PLCE1: variants seen among roughly 807,000 people sequenced by gnomAD.
PLCE1 encodes the protein phospholipase C epsilon 1.
A neutral mutation model predicts 242.8 loss-of-function variants in PLCE1; 119 were observed. The ratio of observed to expected loss-of-function variants is 0.49; its 90% CI spans 0.42 to 0.57. The LOEUF (loss-of-function observed/expected upper bound fraction) is 0.57, where lower values mean the gene tolerates loss of function less well. Ranked by LOEUF, PLCE1 falls within the 20% of genes least tolerant of loss-of-function variation. PLCE1 has a pLI of 0.00. For missense variants in PLCE1, 2,441 were observed against 2,788.8 expected (o/e 0.88, Z 2.81); for synonymous variants, 945 against 1,017.4 (o/e 0.93, Z 1.35).
chr10:94,184,249 C>G (rs1320857971), intron 4 of PLCE1, among the ~76,000 whole-genome samples: 3 of 152,180 alleles, frequency 2.0e-5, no homozygotes, highest in Non-Finnish European at 4.4e-5. Flanking sequence ...TTCAACGGCC[C>G]CCCTTTGCGT....
At chr10:94,100,675 G>C (rs894152294) in intron 2 of PLCE1, 9 of 152,188 alleles carry the variant, frequency 5.9e-5, no homozygotes, top group East Asian at 1.9e-4. Context: ...GTCTTCTCTT[G>C]GTTCTTCCCC....
intron 4 of PLCE1, among the ~76,000 whole-genome samples, chr10:94,226,289 T>G (rs1198243459): frequency 6.6e-6 from 1 of 152,218 alleles, no homozygotes; most frequent in East Asian, 1.9e-4. Context: ...TTAGAGTTTG[T>G]GTAAACACAT....
intron 2 of PLCE1, among the ~76,000 whole-genome samples, chr10:94,058,219 T>C (rs1217535079): frequency 6.6e-6 from 1 of 152,218 alleles, no homozygotes; most frequent in African/African-American, 2.4e-5. Context: ...CTTTTTTAAA[T>C]TGTCAAGTGC....
Position 94,258,826 on chromosome 10 carries a change from G to T in PLCE1, c.3581G>T (p.Gly1194Val). 6.2e-7 allele frequency: 1 copy of T among 1,614,074 alleles called. No homozygotes were observed. ...GCTTGGAGCAGTAGTAGCTGGCACG[G>T]GCGGATCAAAGGCGGCATGAAGGGA... Reference protein sequence around the residue: ...SSAWSSSSWHGRIKGGMKGFQ... With the variant: ...SSAWSSSSWHVRIKGGMKGFQ... The change falls in exon 12 of 33, where the codon GGG (glycine) becomes GTG (valine). Residue 1194 changes from glycine to valine, a missense_variant. Transcript: ENST00000371380.
At chr10:94,121,060 C>G (rs1229375163) in intron 2 of PLCE1, 2 of 152,198 alleles carry the variant, frequency 1.3e-5, no homozygotes, top group African/African-American at 4.8e-5. Context: ...TGATATTGAC[C>G]AAGAGGATTG....
intron 4 of PLCE1, among the ~76,000 whole-genome samples, chr10:94,198,655 C>G (rs2048899898): frequency 6.6e-6 from 1 of 152,202 alleles, no homozygotes; most frequent in African/African-American, 2.4e-5. Context: ...GATCTGATTT[C>G]TCTTTTTATC....
At chr10:94,116,402 T>A (rs895012304) in intron 2 of PLCE1, among the ~76,000 whole-genome samples, 3 of 152,184 alleles carry the variant, frequency 2.0e-5, no homozygotes, top group Non-Finnish European at 4.4e-5. Flanking sequence ...GCCTTAAGAA[T>A]TTTTAGGAAT....
chr10:94,132,726 G>A (rs906906560), intron 3 of PLCE1, among the ~76,000 whole-genome samples: 23 of 151,454 alleles, frequency 1.5e-4, no homozygotes, highest in African/African-American at 4.8e-4. Context: ...CAAGGCGGGC[G>A]GATCACAAGG....
At position 94,146,473 on chromosome 10, in the gene PLCE1, C is replaced by G. The variant is rs182207580; in HGVS notation, c.1492+14014C>G. On this transcript the variant is annotated intron_variant, in intron 3 of 32. Transcript: ENST00000371380. ...TCCCCTGAGTTAGTGCATTTGAGTGCTCTCAGTGCAGTCGGCACAGCCAGA... is the reference window on the plus strand; with the variant it reads ...TCCCCTGAGTTAGTGCATTTGAGTGGTCTCAGTGCAGTCGGCACAGCCAGA... Among the ~76,000 whole-genome samples the G allele has an allele frequency of 4.3e-3, 651 of 152,304 alleles. 3 individuals are homozygous for G. Among genetic ancestry groups the G allele is most frequent in the African/African-American group, 0.014 (599 of 41,562 alleles).
chr10:94,243,073 G>A (rs541441985), intron 7 of PLCE1, among the ~76,000 whole-genome samples: 1 of 152,252 alleles, frequency 6.6e-6, no homozygotes, highest in South Asian at 2.1e-4. Flanking sequence ...GTATGGAAAT[G>A]AGTTAAAAAT....
At chr10:94,089,256 G>A in intron 2 of PLCE1, 1 of 1,614,050 alleles carries the variant, frequency 6.2e-7, no homozygotes, top group Non-Finnish European at 8.5e-7. Context: ...CAGGCTGTCA[G>A]CTGTGGCTTT....
At chr10:94,035,924 T>C (rs2061655241) in intron 2 of PLCE1, among the ~76,000 whole-genome samples, 1 of 152,158 alleles carries the variant, frequency 6.6e-6, no homozygotes, top group Admixed American at 6.5e-5. Context: ...AATCAGATTG[T>C]AAATCGATTA....
intron 1 of PLCE1, among the ~76,000 whole-genome samples, chr10:94,027,480 C>T (rs997301979): frequency 7.2e-5 from 11 of 152,154 alleles, no homozygotes; most frequent in Non-Finnish European, 8.8e-5. Context: ...ACCATTGCTT[C>T]GATGTCTGTG....
At chr10:94,103,677 T>C (rs769984089) in intron 2 of PLCE1, among the ~76,000 whole-genome samples, 1 of 152,224 alleles carries the variant, frequency 6.6e-6, no homozygotes, top group Non-Finnish European at 1.5e-5. Context: ...AAATTTGCTG[T>C]AGGCAATTCT....
At chr10:94,172,032 GCCC>G (rs1477692778) in intron 4 of PLCE1, among the ~76,000 whole-genome samples, 1 of 152,154 alleles carries the variant, frequency 6.6e-6, no homozygotes, top group African/African-American at 2.4e-5. Context: ...AAGATCCTCA[GCCC>G]CAGAATATCA....
intron 2 of PLCE1, among the ~76,000 whole-genome samples, chr10:94,121,679 G>A (rs550885407): frequency 3.3e-5 from 5 of 152,256 alleles, no homozygotes; most frequent in South Asian, 2.1e-4. Context: ...CACTAAGTAC[G>A]ACATGATCAG....
chr10:94,319,873 T>TTTTTTTTTTTTTTTTTTC (rs2053724827), intron 29 of PLCE1, among the ~76,000 whole-genome samples: 1 of 134,262 alleles, frequency 7.4e-6, no homozygotes, highest in African/African-American at 3.2e-5. Context: ...TCTTTTTTTT[T>TTTTTTTTTTTTTTTTTTC]TTTTTTTTTT....
chr10:94,316,436 TAGAGTA>T (rs901855375), intron 28 of PLCE1, 105 bp from the exon 29 acceptor site: 4 of 719,804 alleles, frequency 5.6e-6, no homozygotes, highest in African/African-American at 5.2e-5. Context: ...TGCAATACTC[TAGAGTA>T]AATTTCACTT....
chr10:94,126,330 C>T (rs2046435377), intron 2 of PLCE1, among the ~76,000 whole-genome samples: 1 of 152,184 alleles, frequency 6.6e-6, no homozygotes, highest in East Asian at 1.9e-4. Context: ...TAGCAGTGAC[C>T]AAATATAACA....
Sources: gnomAD v4.1 joint callset for allele counts (sites outside exome capture counted in the v4.1 genomes callset) on GRCh38, gnomAD v4.1.1 for gene constraint, MANE v1.5 for transcripts, NCBI Gene and HGNC (gene_info 2026-07-23, HGNC 2026-07-21) for gene names.